Variants in ASS1 observed in about 807,000 individuals in gnomAD.
ASS1 encodes the protein argininosuccinate synthase.
ASS1 carries 58 observed loss-of-function variants against 60.5 expected under a neutral mutation model. The ratio of observed to expected loss-of-function variants is 0.96; its 90% CI spans 0.78 to 1.19. The LOEUF (loss-of-function observed/expected upper bound fraction) is 1.19, where lower values mean the gene tolerates loss of function less well. Ranked by LOEUF, ASS1 falls within the 50% of genes most tolerant of loss-of-function variation. The pLI is 0.00. For missense variants in ASS1, 454 were observed against 547.3 expected (o/e 0.83, Z 1.70); for synonymous variants, 200 against 206.9 (o/e 0.97, Z 0.29).
At chr9:130,449,121 A>C (rs903182560) in intron 1 of ASS1, among the ~76,000 whole-genome samples, 1 of 152,094 alleles carries the variant, frequency 6.6e-6, no homozygotes, top group African/African-American at 2.4e-5. Flanking sequence ...GCTTAAGTCC[A>C]GGAGTTCGAG....
At chr9:130,447,609 G>T (rs997557403) in intron 1 of ASS1, among the ~76,000 whole-genome samples, 1 of 152,224 alleles carries the variant, frequency 6.6e-6, no homozygotes, top group Non-Finnish European at 1.5e-5. Context: ...GGGCTGGAGG[G>T]CAGTGGGCAT....
Position 130,489,252 on chromosome 9 carries a change from T to G in ASS1, c.839-81T>G. 1 of 1,558,256 alleles carries G rather than the reference T, an allele frequency of 6.4e-7. No individual in the cohort carries two copies. Among genetic ancestry groups the G allele is most frequent in the Non-Finnish European group, 8.8e-7 (1 of 1,140,774 alleles). On this transcript the variant is annotated intron_variant, in intron 11 of 14. Transcript: ENST00000352480. This position sits in a 1 kb window ranked among gnomAD's most constrained non-coding sequence, Gnocchi z 4.1. ...CGACTCATTATTATTATTATTTTTT[T>G]TTTTGTCATTTGCTGACAGTTTGGG...
chr9:130,474,310 G>A (rs183844304), intron 8 of ASS1, among the ~76,000 whole-genome samples: 15 of 152,206 alleles, frequency 9.9e-5, no homozygotes, highest in Admixed American at 5.2e-4. Flanking sequence ...CTTCCGCTGC[G>A]GTCTGCAGAA....
intron 1 of ASS1, chr9:130,445,233 AGTCCCCGGGGGCGCG>A: frequency 5.8e-4 from 16 of 27,732 alleles, no homozygotes; most frequent in Non-Finnish European, 6.7e-4. Flanking sequence ...CGGGGGCGCG[AGTCCCCGGGGGCGCG>A]AGTCCCCGGG....
At chr9:130,479,590 A>G (rs1280389262) in intron 9 of ASS1, 126 bp from the exon 10 acceptor site, 1 of 798,914 alleles carries the variant, frequency 1.3e-6, no homozygotes, top group Admixed American at 1.8e-5. Flanking sequence ...TGAAGGAGTC[A>G]TTTGGAGTCC....
In ASS1 at chr9:130,470,831, C is replaced by T. The variant is rs1845849035; in HGVS notation, c.496-3C>T. On this transcript the variant is annotated splice_region_variant and splice_polypyrimidine_tract_variant and intron_variant, in intron 6 of 14. Transcript: ENST00000352480. The surrounding 1 kb of genome is among the most constrained non-coding windows in gnomAD (Gnocchi z 4.3). ...CTCCACCTGTGCTGTCTCTTTCCTG[C>T]AGCAACACGGGATTCCCATCCCGGT... The T allele has an allele frequency of 6.2e-7, 1 of 1,614,070 alleles. No individual in the cohort carries two copies. The highest frequency in any genetic ancestry group is 8.5e-7 in the Non-Finnish European group (1 of 1,179,972).
At chr9:130,462,276 A>C (rs1845616166) in intron 4 of ASS1, among the ~76,000 whole-genome samples, 1 of 152,214 alleles carries the variant, frequency 6.6e-6, no homozygotes, top group Non-Finnish European at 1.5e-5. Flanking sequence ...CAGGCCCCCC[A>C]GTCCCAGTGG....
rs375516281 is a variant in ASS1 at position 130,488,314 on chromosome 9, C to T, written c.839-1019C>T. Among the ~76,000 whole-genome samples the T allele has an allele frequency of 6.6e-6, 1 of 152,120 alleles. No individual in the cohort carries two copies. The highest frequency in any genetic ancestry group is 1.5e-5 in the Non-Finnish European group (1 of 68,020). On this transcript the variant is annotated intron_variant, in intron 11 of 14. Coordinates refer to ENST00000352480, the MANE Select transcript of ASS1 (RefSeq NM_054012.4). This position sits in a 1 kb window ranked among gnomAD's most constrained non-coding sequence, Gnocchi z 5.2. The stretch of plus-strand genomic sequence containing the variant: ...CGTATGGTGGAAGAAAGGAAGCTCT[C>T]GGGGTAGAATCCATGGAGATGGGGG...
intron 1 of ASS1, among the ~76,000 whole-genome samples, chr9:130,448,574 GTTTA>G (rs1392186436): frequency 1.3e-5 from 2 of 152,048 alleles, no homozygotes; most frequent in African/African-American, 4.8e-5. Context: ...GTTTCTTTTG[GTTTA>G]TTTAAGACAG....
chr9:130,464,722 A>G (rs539732826), intron 5 of ASS1, among the ~76,000 whole-genome samples: 1 of 152,166 alleles, frequency 6.6e-6, no homozygotes, highest in African/African-American at 2.4e-5. Context: ...TCACCCAGGC[A>G]GGAGGGCACC....
intron 13 of ASS1, among the ~76,000 whole-genome samples, chr9:130,496,498 G>A (rs1846605512): frequency 6.6e-6 from 1 of 151,560 alleles, no homozygotes; most frequent in South Asian, 2.1e-4. Flanking sequence ...GGCTGAGGCA[G>A]GAGGATCACT....
At chr9:130,455,044 TCATCCATCATCCATCCATC>T (rs1485992344) in intron 3 of ASS1, among the ~76,000 whole-genome samples, 2 of 133,248 alleles carry the variant, frequency 1.5e-5, no homozygotes, top group Non-Finnish European at 3.2e-5. Flanking sequence ...ATCCATCCAT[TCATCCATCATCCATCCATC>T]CATCCATTCA....
At chr9:130,464,350 A>C (rs993846570) in intron 5 of ASS1, among the ~76,000 whole-genome samples, 183 bp downstream of exon 5, 2 of 152,144 alleles carry the variant, frequency 1.3e-5, no homozygotes, top group African/African-American at 4.8e-5. Flanking sequence ...TCCAGGGGAC[A>C]CACTTTCTTC....
chr9:130,452,773 T>C (rs1054124981), intron 2 of ASS1, among the ~76,000 whole-genome samples: 7 of 152,226 alleles, frequency 4.6e-5, no homozygotes, highest in African/African-American at 1.7e-4. Flanking sequence ...CACCTGGTTC[T>C]GGGATGGGAA....
chr9:130,453,069 A>G (rs1174530767), intron 2 of ASS1, among the ~76,000 whole-genome samples: 1 of 152,236 alleles, frequency 6.6e-6, no homozygotes, highest in Non-Finnish European at 1.5e-5. Flanking sequence ...TCTAAGATCT[A>G]TCTCCAACTC....
chr9:130,489,204 C>T lies in ASS1; in HGVS notation c.839-129C>T, dbSNP rs542255969. ...GCAGCAAGCTGGGAGTGAATGGGTC[C>T]GGCCGGCTTGTCTCCTGTCAGACGA... On this transcript the variant is annotated intron_variant, in intron 11 of 14. Coordinates refer to ENST00000352480, the MANE Select transcript of ASS1 (RefSeq NM_054012.4). The surrounding 1 kb of genome is among the most constrained non-coding windows in gnomAD (Gnocchi z 4.1). 17 of 1,325,156 alleles carry T rather than the reference C, an allele frequency of 1.3e-5. 1 individual carries two copies. The South Asian group carries it at 1.4e-4, about 11-fold the overall frequency. 82.1% of individuals were successfully genotyped at this position (1,325,156 alleles called of 1,614,324 possible).
chr9:130,486,220 T>C (rs1251180196), intron 11 of ASS1, among the ~76,000 whole-genome samples: 1 of 152,148 alleles, frequency 6.6e-6, no homozygotes, highest in Non-Finnish European at 1.5e-5. Flanking sequence ...CTTGGCGTAG[T>C]AGCTAGGACC....
At chr9:130,451,908 C>A (rs1845335980) in intron 1 of ASS1, 2 of 536,458 alleles carry the variant, frequency 3.7e-6, no homozygotes, top group East Asian at 9.4e-5. Context: ...TTGGGCCAAA[C>A]TGCTCAGCCT....
At chr9:130,487,767 T>A (rs2118860882) in intron 11 of ASS1, among the ~76,000 whole-genome samples, 1 of 152,092 alleles carries the variant, frequency 6.6e-6, no homozygotes, top group African/African-American at 2.4e-5. Flanking sequence ...CTTTTTTTTT[T>A]TTAGACAGAG....
Sources: allele counts gnomAD v4.1 joint callset (sites outside exome capture counted in the v4.1 genomes callset), GRCh38; gene constraint gnomAD v4.1.1; non-coding constraint Gnocchi (gnomAD v3.1); transcripts MANE v1.5; gene names NCBI Gene and HGNC (gene_info 2026-07-23, HGNC 2026-07-21).